The following CDC123 variants were observed in gnomAD, a reference collection of about 807,000 sequenced individuals.
The protein encoded by CDC123 is translation initiation factor eIF2 assembly protein.
CDC123 carries 37 observed loss-of-function variants against 54.4 expected under a neutral mutation model. The ratio of observed to expected loss-of-function variants is 0.68; its 90% CI spans 0.52 to 0.89. The LOEUF is 0.89. Among genes scored for constraint, CDC123 ranks in the 40% least tolerant of loss-of-function variants. CDC123 has a pLI of 0.00. For synonymous variants in CDC123, 144 were observed against 136.8 expected, an observed-to-expected ratio of 1.05 and a Z score of -0.37; for missense variants, 361 against 412.1, an observed-to-expected ratio of 0.88 and a Z score of 1.07.
At chr10:12,197,068 T>C (rs1049496040) in intron 1 of CDC123, among the ~76,000 whole-genome samples, 11 of 152,230 alleles carry the variant, frequency 7.2e-5, no homozygotes, top group Admixed American at 2.6e-4. Flanking sequence ...AATGTGTAAC[T>C]GGCTTAGAAT....
chr10:12,239,079 C>T (rs1192793123), intron 10 of CDC123, among the ~76,000 whole-genome samples: 6 of 151,958 alleles, frequency 3.9e-5, no homozygotes, highest in East Asian at 1.9e-4. Flanking sequence ...CACTTGAGCC[C>T]GGGAATGCAA....
At chr10:12,204,653 A>G (rs1293392437) in intron 2 of CDC123, among the ~76,000 whole-genome samples, 13 of 152,082 alleles carry the variant, frequency 8.5e-5, no homozygotes, top group Admixed American at 8.5e-4. Flanking sequence ...TTATTTTTAG[A>G]TGTACAGTTA....
At chr10:12,241,383 T>G (rs1836054984) in intron 10 of CDC123, among the ~76,000 whole-genome samples, 1 of 152,212 alleles carries the variant, frequency 6.6e-6, no homozygotes, top group Non-Finnish European at 1.5e-5. Flanking sequence ...CAGCCATCAT[T>G]TTAAAAAATA....
intron 2 of CDC123, among the ~76,000 whole-genome samples, chr10:12,208,862 A>G (rs7100710): frequency 0.76 from 115,475 of 152,074 alleles, 44,258 homozygotes; most frequent in Middle Eastern, 0.8. Context: ...CAAAGACAGC[A>G]TGCCTGTTTA....
At chr10:12,221,023 A>ATT (rs1835729100) in intron 6 of CDC123, among the ~76,000 whole-genome samples, 1 of 151,168 alleles carries the variant, frequency 6.6e-6, no homozygotes. Context: ...AATACTTCCC[A>ATT]TTAAAATATT....
In CDC123 at chr10:12,204,290, T is replaced by C. The variant is rs529737372; in HGVS notation, c.146+5514T>C. 2.6e-5 allele frequency among the ~76,000 whole-genome samples: 4 copies of C among 152,216 alleles called. No homozygotes were observed. In the East Asian group the frequency reaches 7.7e-4, roughly 29 times the overall value. ...ATTGTTTCTTCTTGGTCACGAGTTC[T>C]TTCCTGACCTTGTCTCCCTTAAGGC... On this transcript the variant is annotated intron_variant, in intron 2 of 12. Transcript: ENST00000281141.
chr10:12,234,505 C>A (rs932642724), intron 7 of CDC123, among the ~76,000 whole-genome samples: 7 of 152,344 alleles, frequency 4.6e-5, no homozygotes, highest in African/African-American at 1.7e-4. Flanking sequence ...AGGCGTGAGC[C>A]TCCGCACCTG....
intron 4 of CDC123, among the ~76,000 whole-genome samples, chr10:12,212,972 A>G (rs1454788797): frequency 6.6e-6 from 1 of 152,210 alleles, no homozygotes; most frequent in Non-Finnish European, 1.5e-5. Context: ...CTGATCCCAT[A>G]GTGACATACA....
chr10:12,217,947 G>C lies in CDC123; in HGVS notation c.440+480G>C, dbSNP rs181516417. On this transcript the variant is annotated intron_variant, in intron 6 of 12. Transcript: ENST00000281141. The stretch of plus-strand genomic sequence containing the variant: ...TACTAAAAATACAAAAAATTAGCCG[G>C]GCGTGGTGGCACGTGCCTATAGTCT... Among the ~76,000 whole-genome samples, 14 of 152,138 alleles carry C rather than the reference G, an allele frequency of 9.2e-5. No homozygotes were observed. The East Asian group carries it at 2.7e-3, about 30-fold the overall frequency.
At chr10:12,221,938 T>C (rs1439117600) in intron 6 of CDC123, among the ~76,000 whole-genome samples, 1 of 152,172 alleles carries the variant, frequency 6.6e-6, no homozygotes, top group Non-Finnish European at 1.5e-5. Flanking sequence ...GACACAAGCA[T>C]GCGTCAGGGT....
chr10:12,242,106 G>T (rs888471320), intron 10 of CDC123, among the ~76,000 whole-genome samples: 1 of 152,180 alleles, frequency 6.6e-6, no homozygotes, highest in Non-Finnish European at 1.5e-5. Context: ...TATTTCAGGA[G>T]CCCTCACATA....
At chr10:12,229,324 T>C (rs1013593008) in intron 6 of CDC123, among the ~76,000 whole-genome samples, 3 of 152,198 alleles carry the variant, frequency 2.0e-5, no homozygotes, top group African/African-American at 7.2e-5. Flanking sequence ...TTTGTCCTTA[T>C]AATGAAGTCC....
At chr10:12,234,032 A>G (rs1835941884) in intron 7 of CDC123, among the ~76,000 whole-genome samples, 1 of 152,096 alleles carries the variant, frequency 6.6e-6, no homozygotes. Flanking sequence ...CAAAGTAAGC[A>G]TTACCTCATG....
intron 8 of CDC123, 59 bp downstream of exon 8, chr10:12,235,182 G>C: frequency 7.0e-7 from 1 of 1,427,318 alleles, no homozygotes; most frequent in Non-Finnish European, 9.9e-7. Flanking sequence ...AAGAAAACAA[G>C]CTTTTGTTGG....
chr10:12,201,307 A>T (rs1241947124), intron 2 of CDC123, among the ~76,000 whole-genome samples: 1 of 152,224 alleles, frequency 6.6e-6, no homozygotes, highest in African/African-American at 2.4e-5. Context: ...AACATAGCAA[A>T]CACACAAGAG....
chr10:12,196,191 G>A lies in CDC123; in HGVS notation c.-55G>A. The A allele has an allele frequency of 6.2e-7, 1 of 1,612,828 alleles. No homozygotes were observed. Among genetic ancestry groups the A allele is most frequent in the Non-Finnish European group, 8.5e-7 (1 of 1,179,508 alleles). The stretch of plus-strand genomic sequence containing the variant: ...GGCACTTCCGGGGCCGGCGCCCAGA[G>A]TTCCGGGAGGGTGCAGGCAGGAGAG... On this transcript the variant is annotated 5_prime_UTR_variant, in exon 1 of 13. Coordinates refer to ENST00000281141, the MANE Select transcript of CDC123 (RefSeq NM_006023.3).
chr10:12,196,634 C>T (rs1054439368), intron 1 of CDC123, among the ~76,000 whole-genome samples: 1 of 152,136 alleles, frequency 6.6e-6, no homozygotes, highest in Non-Finnish European at 1.5e-5. Flanking sequence ...CCTAAGTGCA[C>T]TCGGAGAATT....
chr10:12,224,069 C>G (rs535646419), intron 6 of CDC123, among the ~76,000 whole-genome samples: 1 of 151,972 alleles, frequency 6.6e-6, no homozygotes, highest in South Asian at 2.1e-4. Flanking sequence ...TATGCCTTTG[C>G]GTCTTCATAG....
At chr10:12,236,994 C>T in intron 8 of CDC123, 150 bp from the exon 9 acceptor site, 1 of 797,576 alleles carries the variant, frequency 1.3e-6, no homozygotes, top group South Asian at 4.0e-5. Flanking sequence ...CATATGAATC[C>T]TTACAGCTGG....
Sources: gnomAD v4.1 joint callset for allele counts (sites outside exome capture counted in the v4.1 genomes callset) on GRCh38, gnomAD v4.1.1 for gene constraint, MANE v1.5 for transcripts, NCBI Gene and HGNC (gene_info 2026-07-23, HGNC 2026-07-21) for gene names.